The following RBM19 variants were observed in gnomAD, a reference collection of about 807,000 sequenced individuals.
RBM19 encodes the protein RNA binding motif protein 19, also known as probable RNA-binding protein 19.
A neutral mutation model predicts 116.8 loss-of-function variants in RBM19; 94 were observed. The observed-to-expected ratio is 0.80, with a 90% CI of 0.68 to 0.95. RBM19 has a LOEUF of 0.95. RBM19 is among the 40% of genes least tolerant of loss of function. The pLI is 0.00. For missense variants in RBM19, 1,161 were observed against 1,220.7 expected (o/e 0.95, Z 0.73); for synonymous variants, 475 against 494.1 (o/e 0.96, Z 0.51).
chr12:113,823,435 G>T, intron 23 of RBM19, 114 bp from the exon 24 acceptor site: 1 of 823,418 alleles, frequency 1.2e-6, no homozygotes, highest in Non-Finnish European at 2.0e-6. Context: ...CAGAACAAGG[G>T]TGCGGGGAGA....
chr12:113,914,352 C>T (rs1882639630), intron 21 of RBM19, among the ~76,000 whole-genome samples: 1 of 152,244 alleles, frequency 6.6e-6, no homozygotes, highest in African/African-American at 2.4e-5. Context: ...CCTGTGCAAG[C>T]AGGTGCTGAC....
intron 21 of RBM19, among the ~76,000 whole-genome samples, chr12:113,902,878 TG>T (rs1450060149): frequency 2.0e-5 from 3 of 152,148 alleles, no homozygotes; most frequent in South Asian, 2.1e-4. Flanking sequence ...ATTCCTTTTA[TG>T]GGGGGGTTAG....
intron 17 of RBM19, among the ~76,000 whole-genome samples, chr12:113,925,566 C>T (rs1868993253): frequency 6.6e-6 from 1 of 152,220 alleles, no homozygotes; most frequent in Non-Finnish European, 1.5e-5. Context: ...AGACTGATCG[C>T]TACGCATGGC....
At chr12:113,905,921 A>C (rs762464839) in intron 21 of RBM19, among the ~76,000 whole-genome samples, 134 of 152,354 alleles carry the variant, frequency 8.8e-4, no homozygotes, top group Non-Finnish European at 1.5e-3. Flanking sequence ...ATACCACTGT[A>C]GCCATTATCC....
chr12:113,903,199 G>T lies in RBM19; in HGVS notation c.2558+11770C>A, dbSNP rs115170662. ...ATCCAAGGATGCTCAAGTCCCTTCT[G>T]CATTATTTTCGATCTGTGGTTGGTG... is the stretch of plus-strand genomic sequence containing the variant. On this transcript the variant is annotated intron_variant, in intron 21 of 23. Transcript: ENST00000261741. The surrounding 1 kb of genome is among the most constrained non-coding windows in gnomAD (Gnocchi z 5.1). Among the ~76,000 whole-genome samples, 8,754 of 152,268 alleles carry T rather than the reference G, an allele frequency of 0.057. 847 individuals carry two copies. The highest frequency in any genetic ancestry group is 0.2 in the African/African-American group (8,224 of 41,528).
At chr12:113,845,333 G>A (rs1222601890) in intron 22 of RBM19, among the ~76,000 whole-genome samples, 1 of 151,624 alleles carries the variant, frequency 6.6e-6, no homozygotes, top group Non-Finnish European at 1.5e-5. Context: ...CCCAACTCCC[G>A]CTCCCAGCTC....
intron 21 of RBM19, among the ~76,000 whole-genome samples, chr12:113,907,569 C>T (rs1316404770): frequency 1.3e-5 from 2 of 152,166 alleles, no homozygotes; most frequent in Non-Finnish European, 2.9e-5. Flanking sequence ...GGGGAAATGA[C>T]CCGGTCCTCG....
intron 21 of RBM19, among the ~76,000 whole-genome samples, chr12:113,863,306 C>T (rs1015657093): frequency 1.3e-5 from 2 of 152,044 alleles, no homozygotes; most frequent in African/African-American, 2.4e-5. Context: ...ACTGGTCTTG[C>T]CCCAGCCCTG....
At chr12:113,959,470 T>G (rs1872294567) in intron 4 of RBM19, 66 bp from the exon 5 acceptor site, 2 of 1,512,156 alleles carry the variant, frequency 1.3e-6, no homozygotes, top group African/African-American at 2.8e-5. Context: ...CAGAGAAGGC[T>G]CAGGTGGGGC....
chr12:113,823,263 G>A lies in RBM19; in HGVS notation c.2844C>T (p.Gly948=). The A allele has an allele frequency of 6.2e-7, 1 of 1,612,820 alleles. No homozygotes were observed. ...VLDEILEQLE[G]SDSDSEEQTL... is the part of the protein sequence containing the mutation. ...TCTGCTCCTCGCTGTCGCTGTCACTGCCTTCCAGCTGCTCCAGGATCTCGT... is the reference window on the plus strand; with the variant it reads ...TCTGCTCCTCGCTGTCGCTGTCACTACCTTCCAGCTGCTCCAGGATCTCGT... The change falls in exon 24 of 24, where the codon GGC becomes GGT. Residue 948 remains glycine, a synonymous_variant. Coordinates refer to ENST00000261741, the MANE Select transcript of RBM19 (RefSeq NM_016196.4).
intron 20 of RBM19, among the ~76,000 whole-genome samples, chr12:113,916,061 G>A (rs1882750226): frequency 6.6e-6 from 1 of 152,094 alleles, no homozygotes; most frequent in Non-Finnish European, 1.5e-5. Context: ...CTGGGGCTAT[G>A]CTGTCTCATA....
At chr12:113,855,945 T>C (rs1396192773) in intron 22 of RBM19, among the ~76,000 whole-genome samples, 1 of 152,134 alleles carries the variant, frequency 6.6e-6, no homozygotes, top group East Asian at 1.9e-4. Context: ...GAGAAAGCAA[T>C]GGCAGCTTCC....
At chr12:113,863,671 C>T (rs1326181264) in intron 21 of RBM19, among the ~76,000 whole-genome samples, 2 of 152,130 alleles carry the variant, frequency 1.3e-5, no homozygotes, top group Non-Finnish European at 2.9e-5. Context: ...TAACTTCTCC[C>T]CACCTGCACC....
chr12:113,834,193 T>C (rs1038229341), intron 23 of RBM19, among the ~76,000 whole-genome samples: 3 of 152,230 alleles, frequency 2.0e-5, no homozygotes, highest in Admixed American at 1.3e-4. Context: ...CTTTCTCTTT[T>C]GTACACTGCT....
intron 21 of RBM19, among the ~76,000 whole-genome samples, chr12:113,901,341 C>T (rs1488986690): frequency 2.0e-5 from 3 of 152,046 alleles, no homozygotes; most frequent in African/African-American, 7.2e-5. Flanking sequence ...ATATTAGTTT[C>T]CTTCTGACCA....
chr12:113,962,449 G>C lies in RBM19; in HGVS notation c.37-35C>G, dbSNP rs201952111. The C allele has an allele frequency of 3.8e-6, 6 of 1,588,004 alleles. No homozygotes were observed. In the East Asian group the frequency reaches 8.9e-5, roughly 24 times the overall value. On this transcript the variant is annotated intron_variant, in intron 1 of 23. Transcript: ENST00000261741. ...AGGGAAAGGAATGAGAGACGAACTG[G>C]AAAGTCCCCAGAGCAAGGGGACAAA...
rs57242923 is a variant in RBM19, at chr12:113,928,625, ATGTG to A, written c.2069-1400_2069-1397del. Reference sequence around the variant, plus strand: ...ATGTGAAGTTGTGAGTTAGCAAGGGATGTGTGTGTGTGTGTGTGTGTGTGTGTGT... The same window carrying A: ...ATGTGAAGTTGTGAGTTAGCAAGGGATGTGTGTGTGTGTGTGTGTGTGTGT... On this transcript the variant is annotated intron_variant, in intron 16 of 23. Transcript: ENST00000261741. 2.8e-3 allele frequency among the ~76,000 whole-genome samples: 336 copies of A among 120,398 alleles called. 5 individuals carry two copies. Among genetic ancestry groups the A allele is most frequent in the South Asian group, 4.9e-3 (14 of 2,836 alleles). The allele number at this position is 120,398 out of a possible 152,430, so 79.0% of individuals were successfully genotyped here.
intron 23 of RBM19, among the ~76,000 whole-genome samples, chr12:113,828,311 G>A: frequency 6.6e-6 from 1 of 152,092 alleles, no homozygotes; most frequent in South Asian, 2.1e-4. Flanking sequence ...TGGCAGACCT[G>A]TCCCCTCCCT....
intron 21 of RBM19, among the ~76,000 whole-genome samples, chr12:113,897,100 C>T (rs1350830869): frequency 6.6e-6 from 1 of 152,200 alleles, no homozygotes; most frequent in Non-Finnish European, 1.5e-5. Flanking sequence ...TTTACTGAGC[C>T]CTCCCAATAG....
Sources: gnomAD v4.1 joint callset for allele counts (sites outside exome capture counted in the v4.1 genomes callset) on GRCh38, gnomAD v4.1.1 for gene constraint, Gnocchi (gnomAD v3.1) non-coding constraint, MANE v1.5 for transcripts, NCBI Gene and HGNC (gene_info 2026-07-23, HGNC 2026-07-21) for gene names.